Variants in SEMA6A observed in about 807,000 individuals in gnomAD.
SEMA6A encodes semaphorin 6A, also known as semaphorin-6A.
Under a neutral mutation model 96.8 loss-of-function variants are expected in SEMA6A, and 25 were observed. The ratio of observed to expected loss-of-function variants is 0.26; its 90% CI spans 0.19 to 0.36. The LOEUF (loss-of-function observed/expected upper bound fraction) is 0.36, where lower values mean the gene tolerates loss of function less well. SEMA6A is among the 10% of genes least tolerant of loss of function. SEMA6A has a pLI of 1.00. For missense variants in SEMA6A, 1,363 were observed against 1,323.1 expected, an observed-to-expected ratio of 1.03 and a Z score of -0.47; for synonymous variants, 612 against 518.0, an observed-to-expected ratio of 1.18 and a Z score of -2.46.
rs1337994916 is a variant in SEMA6A, at chr5:116,445,956, G to C, written c.*657C>G. On this transcript the variant is annotated 3_prime_UTR_variant, in exon 19 of 19. Coordinates refer to ENST00000343348, the MANE Select transcript of SEMA6A (RefSeq NM_020796.5). ...ACGGTCACGTTATTTCATTAAAAGA[G>C]AGGAGGAGCAGAAATCTATGACATA... 1 of 152,662 alleles carries C rather than the reference G, an allele frequency of 6.6e-6. No homozygotes were observed. The highest frequency in any genetic ancestry group is 1.9e-4 in the East Asian group (1 of 5,198). 9.5% of individuals were successfully genotyped at this position (152,662 alleles called of 1,614,324 possible). A position where few individuals can be genotyped will look rare whatever the true frequency, so the allele number is the denominator to read the frequency against.
intron 10 of SEMA6A, among the ~76,000 whole-genome samples, chr5:116,482,892 C>T (rs1177879868): frequency 6.6e-6 from 1 of 152,172 alleles, no homozygotes; most frequent in African/African-American, 2.4e-5. Context: ...TTCATGAATT[C>T]CCTGGTACTA....
intron 1 of SEMA6A, among the ~76,000 whole-genome samples, chr5:116,523,402 C>T (rs1044286430): frequency 2.6e-5 from 4 of 152,144 alleles, no homozygotes; most frequent in East Asian, 1.9e-4. Context: ...CAACCTCCAC[C>T]TCTCGGGTTC....
chr5:116,491,900 T>G, intron 6 of SEMA6A, 70 bp from the exon 7 acceptor site: 1 of 1,277,698 alleles, frequency 7.8e-7, no homozygotes, highest in Non-Finnish European at 1.1e-6. Context: ...CAGAAATAAT[T>G]TCCAGGATGT....
chr5:116,467,834 A>G, intron 17 of SEMA6A, 87 bp from the exon 18 acceptor site: 1 of 1,387,190 alleles, frequency 7.2e-7, no homozygotes, highest in Non-Finnish European at 9.8e-7. Context: ...GGGACACCCA[A>G]GCTGGCTGTA....
chr5:116,566,349 G>C (rs1761028948), intron 1 of SEMA6A, among the ~76,000 whole-genome samples: 1 of 152,150 alleles, frequency 6.6e-6, no homozygotes, highest in Non-Finnish European at 1.5e-5. Context: ...GAAATTCCTA[G>C]AAAGCACCTA....
At position 116,558,735 on chromosome 5, in the gene SEMA6A, T is replaced by A. The variant is rs996195920; in HGVS notation, c.-39+15450A>T. On this transcript the variant is annotated intron_variant, in intron 1 of 18. Transcript: ENST00000343348. Reference sequence around the variant, plus strand: ...CCTCGGCCTCCCAAAGTGCTGGGATTACAGGCGTGAGCCACCGCGCCCGGC... The same window carrying A: ...CCTCGGCCTCCCAAAGTGCTGGGATAACAGGCGTGAGCCACCGCGCCCGGC... Among the ~76,000 whole-genome samples the A allele has an allele frequency of 2.0e-4, 2 of 10,246 alleles. 1 individual carries two copies. Among genetic ancestry groups the A allele is most frequent in the Non-Finnish European group, 7.4e-4 (2 of 2,718 alleles). 6.7% of individuals were successfully genotyped at this position (10,246 alleles called of 152,430 possible). A position where few individuals can be genotyped will look rare whatever the true frequency, so the allele number is the denominator to read the frequency against.
At chr5:116,488,819 A>G in intron 8 of SEMA6A, 69 bp downstream of exon 8, 1 of 1,462,698 alleles carries the variant, frequency 6.8e-7, no homozygotes, top group Non-Finnish European at 9.1e-7. Flanking sequence ...GTCCCTCCAG[A>G]CTCTAAATCT....
At chr5:116,565,928 C>T (rs1761006397) in intron 1 of SEMA6A, among the ~76,000 whole-genome samples, 1 of 151,686 alleles carries the variant, frequency 6.6e-6, no homozygotes, top group Non-Finnish European at 1.5e-5. Flanking sequence ...GGGGGAGGGG[C>T]GGGGAAGTGC....
rs58752355 is a variant in SEMA6A, at chr5:116,513,144, C to T, written c.-38-8162G>A. ...GGCAGCTATCTTTTTTTTTTTCCCCCGCGACGGAGTTTCGCTCTTGTTGTC... is the reference window on the plus strand; with the variant it reads ...GGCAGCTATCTTTTTTTTTTTCCCCTGCGACGGAGTTTCGCTCTTGTTGTC... On this transcript the variant is annotated intron_variant, in intron 1 of 18. Transcript: ENST00000343348. Among the ~76,000 whole-genome samples the T allele has an allele frequency of 3.0e-3, 453 of 151,610 alleles. 1 individual carries two copies. Among genetic ancestry groups the T allele is most frequent in the African/African-American group, 0.01 (429 of 41,350 alleles).
chr5:116,559,869 A>G (rs928672772), intron 1 of SEMA6A, among the ~76,000 whole-genome samples: 2 of 151,996 alleles, frequency 1.3e-5, no homozygotes, highest in African/African-American at 4.8e-5. Flanking sequence ...TTTTCAACTC[A>G]CAGTCCTAGC....
At chr5:116,520,451 T>C (rs1284649675) in intron 1 of SEMA6A, among the ~76,000 whole-genome samples, 1 of 152,114 alleles carries the variant, frequency 6.6e-6, no homozygotes, top group Non-Finnish European at 1.5e-5. Context: ...TTAACAAATA[T>C]TCATTAAATA....
intron 8 of SEMA6A, among the ~76,000 whole-genome samples, chr5:116,488,427 T>C (rs547389515): frequency 6.6e-6 from 1 of 152,354 alleles, no homozygotes; most frequent in East Asian, 1.9e-4. Context: ...TGAAGAAATA[T>C]GGAATTTTGC....
chr5:116,453,728 A>C (rs1754798681), intron 18 of SEMA6A, among the ~76,000 whole-genome samples: 1 of 152,178 alleles, frequency 6.6e-6, no homozygotes, highest in Admixed American at 6.5e-5. Context: ...CTTGGCTTCA[A>C]AGAGTCAGTA....
chr5:116,540,748 C>G (rs1318877045), intron 1 of SEMA6A, among the ~76,000 whole-genome samples: 1 of 152,168 alleles, frequency 6.6e-6, no homozygotes. Flanking sequence ...TTGGCCCAAA[C>G]TATCTTTTTT....
In SEMA6A at chr5:116,451,051, T is replaced by A. The variant is rs527755556; in HGVS notation, c.1895-3240A>T. Among the ~76,000 whole-genome samples the A allele has an allele frequency of 3.9e-5, 6 of 152,270 alleles. No homozygotes were observed. In the East Asian group the frequency reaches 1.2e-3, roughly 29 times the overall value. On this transcript the variant is annotated intron_variant, in intron 18 of 18. Coordinates refer to ENST00000343348, the MANE Select transcript of SEMA6A (RefSeq NM_020796.5). ...TAAAAGCAGCTAGAGAAGATCTCAG[T>A]GGGCTTGGAATTGCAGGCTCCCACT... is the stretch of plus-strand genomic sequence containing the variant.
Position 116,458,877 on chromosome 5 carries a change from G to A in SEMA6A, c.1894+8706C>T, listed in dbSNP as rs145979316. Among the ~76,000 whole-genome samples, 520 of 152,126 alleles carry A rather than the reference G, an allele frequency of 3.4e-3. 6 individuals are homozygous for A. The highest frequency in any genetic ancestry group is 0.011 in the African/African-American group (458 of 41,502). On this transcript the variant is annotated intron_variant, in intron 18 of 18. Transcript: ENST00000343348. ...AGAACAATTACAGCCTGCCACTTGG[G>A]CTTCTCGGCTCTGGACCCTCTCCCC...
chr5:116,541,389 A>C (rs1448261974), intron 1 of SEMA6A, among the ~76,000 whole-genome samples: 1 of 151,424 alleles, frequency 6.6e-6, no homozygotes, highest in Non-Finnish European at 1.5e-5. Context: ...ACTTGAAAGC[A>C]ATGTTCTGAA....
At chr5:116,447,956 A>G in intron 18 of SEMA6A, 145 bp from the exon 19 acceptor site, 1 of 685,648 alleles carries the variant, frequency 1.5e-6, no homozygotes, top group Non-Finnish European at 2.5e-6. Context: ...CAGCTTGCCA[A>G]ACATTAACCA....
rs1757342176 is a variant in SEMA6A, at chr5:116,491,819, C to A, written c.456G>T (p.Leu152Phe). Residue 152 changes from leucine (L) to phenylalanine (F), a missense_variant, in exon 7 of 19, where the codon TTG becomes TTT. By Grantham distance (22) the Leu-to-Phe change is conservative. This residue lies in a region of SEMA6A where 480 missense variants were observed against 559.5 expected (regional missense o/e 0.86). Coordinates refer to ENST00000343348, the MANE Select transcript of SEMA6A (RefSeq NM_020796.5). The stretch of plus-strand genomic sequence containing the variant: ...CGCTGAATTCATCCCCGAATGGTTC[C>A]AATGTATCCATCTAAATGAAATAAT... ...PSCRNYKMDT[L>F]EPFGDEFSGM... 4 of 1,611,646 alleles carry A rather than the reference C, an allele frequency of 2.5e-6. No homozygotes were observed. The East Asian group carries it at 8.9e-5, about 36-fold the overall frequency.
Sources: gnomAD v4.1 joint callset for allele counts (sites outside exome capture counted in the v4.1 genomes callset) on GRCh38, gnomAD v4.1.1 for gene constraint, gnomAD v4.1.1 regional missense constraint, MANE v1.5 for transcripts, NCBI Gene and HGNC (gene_info 2026-07-23, HGNC 2026-07-21) for gene names.